The following FAM47E variants were observed in gnomAD, a reference collection of about 807,000 sequenced individuals.
FAM47E encodes family with sequence similarity 47 member E.
A neutral mutation model predicts 41.6 loss-of-function variants in FAM47E; 32 were observed. The observed-to-expected ratio is 0.77, with a 90% CI of 0.58 to 1.03. FAM47E has a LOEUF of 1.03. Ranked by LOEUF, FAM47E falls within the 50% of genes least tolerant of loss-of-function variation. The probability of loss-of-function intolerance (pLI) is 0.00; values close to 1 mark genes in which losing one functional copy is unlikely to be tolerated. For missense variants in FAM47E, 424 were observed against 485.4 expected (o/e 0.87, Z 1.19); for synonymous variants, 184 against 188.7 (o/e 0.98, Z 0.20).
At chr4:76,231,453 G>A (rs570816134) in intron 2 of FAM47E, among the ~76,000 whole-genome samples, 1 of 152,190 alleles carries the variant, frequency 6.6e-6, no homozygotes, top group African/African-American at 2.4e-5. Flanking sequence ...CAACTAGTGA[G>A]TTTAGAATTT....
chr4:76,220,554 G>C (rs1366295905), intron 2 of FAM47E, among the ~76,000 whole-genome samples: 2 of 152,204 alleles, frequency 1.3e-5, no homozygotes, highest in Non-Finnish European at 2.9e-5. Context: ...TCGAGTCCAG[G>C]AGTTCAAGGC....
In FAM47E at chr4:76,260,109, A is replaced by G. The variant is rs1734346133; in HGVS notation, c.420+3586A>G. ...ACATTCCATGTTCATGTAAAGGAAGAATCAATATTGTCAAAATGACCATAC... is the reference window on the plus strand; with the variant it reads ...ACATTCCATGTTCATGTAAAGGAAGGATCAATATTGTCAAAATGACCATAC... On this transcript the variant is annotated intron_variant, in intron 2 of 7. Coordinates refer to ENST00000424749, the MANE Select transcript of FAM47E (RefSeq NM_001136570.3). Among the ~76,000 whole-genome samples the G allele has an allele frequency of 3.9e-5, 6 of 152,360 alleles. No homozygotes were observed. The South Asian group carries it at 1.2e-3, about 32-fold the overall frequency.
At chr4:76,245,950 T>G (rs923365366) in intron 2 of FAM47E, among the ~76,000 whole-genome samples, 2 of 152,196 alleles carry the variant, frequency 1.3e-5, no homozygotes, top group Non-Finnish European at 2.9e-5. Flanking sequence ...TGCTCAATGC[T>G]ACTGACCAAG....
intron 2 of FAM47E, among the ~76,000 whole-genome samples, chr4:76,233,571 ATC>A (rs1560731463): frequency 1.2e-5 from 1 of 82,436 alleles, no homozygotes; most frequent in East Asian, 3.4e-4. Flanking sequence ...TTTTACAGAC[ATC>A]ACACACACAC....
intron 3 of FAM47E, among the ~76,000 whole-genome samples, chr4:76,267,186 A>T (rs72860117): frequency 0.15 from 23,229 of 152,208 alleles, 1,802 homozygotes; most frequent in African/African-American, 0.17. Flanking sequence ...TGCTTACTGA[A>T]TATTTGTTGA....
At chr4:76,240,511 C>T (rs765275417) in intron 2 of FAM47E, among the ~76,000 whole-genome samples, 97 of 152,158 alleles carry the variant, frequency 6.4e-4, no homozygotes, top group Non-Finnish European at 1.2e-3. Flanking sequence ...TCCTCAAGGA[C>T]TCCCCATAAA....
At chr4:76,242,909 C>G (rs908134551) in intron 2 of FAM47E, among the ~76,000 whole-genome samples, 1 of 152,122 alleles carries the variant, frequency 6.6e-6, no homozygotes, top group African/African-American at 2.4e-5. Flanking sequence ...TTGCATTATA[C>G]TTCTATTAGA....
At chr4:76,266,813 C>A (rs1330607123) in intron 3 of FAM47E, among the ~76,000 whole-genome samples, 2 of 152,230 alleles carry the variant, frequency 1.3e-5, no homozygotes, top group Admixed American at 1.3e-4. Context: ...TTTAATTACT[C>A]CGCTCCACGG....
At chr4:76,223,383 C>T (rs947568945) in intron 2 of FAM47E, among the ~76,000 whole-genome samples, 6 of 152,100 alleles carry the variant, frequency 3.9e-5, no homozygotes, top group African/African-American at 1.4e-4. Flanking sequence ...TTATTGGGTC[C>T]TACTTAGCCA....
chr4:76,249,519 C>T (rs542645388), upstream of FAM47E, among the ~76,000 whole-genome samples: 205 of 152,028 alleles, frequency 1.3e-3, no homozygotes, highest in African/African-American at 4.5e-3. Context: ...TTGGAGATTC[C>T]GGTAAAATGC....
intron 2 of FAM47E, among the ~76,000 whole-genome samples, chr4:76,231,339 C>T (rs1289665206): frequency 6.6e-6 from 1 of 152,244 alleles, no homozygotes; most frequent in Non-Finnish European, 1.5e-5. Flanking sequence ...CAGATTTTCA[C>T]ATTACCCATC....
At chr4:76,241,378 A>C (rs1180484311) in intron 2 of FAM47E, among the ~76,000 whole-genome samples, 2 of 152,184 alleles carry the variant, frequency 1.3e-5, no homozygotes, top group Non-Finnish European at 2.9e-5. Context: ...AAGGTGCAAC[A>C]ACAAAACAAT....
At chr4:76,282,837 C>T (rs565446188) in intron 7 of FAM47E, 1 of 152,164 alleles carries the variant, frequency 6.6e-6, no homozygotes, top group Non-Finnish European at 1.5e-5. Flanking sequence ...GGCTCTATCA[C>T]AGGGAATAAG....
At chr4:76,237,709 A>C (rs928258484) in intron 2 of FAM47E, among the ~76,000 whole-genome samples, 4 of 152,188 alleles carry the variant, frequency 2.6e-5, no homozygotes, top group African/African-American at 9.7e-5. Context: ...AGGCCTCAGG[A>C]AACTCACAGT....
intron 5 of FAM47E, among the ~76,000 whole-genome samples, chr4:76,276,041 C>CAG (rs1560752381): frequency 3.0e-4 from 14 of 47,298 alleles, no homozygotes; most frequent in African/African-American, 5.0e-4. Context: ...CAGACAGACA[C>CAG]ACACACACAC....
Position 76,278,176 on chromosome 4 carries a change from C to A in FAM47E, c.978C>A (p.Val326=), listed in dbSNP as rs750735302. 4.5e-6 allele frequency: 7 copies of A among 1,549,766 alleles called. No homozygotes were observed. Among genetic ancestry groups the A allele is most frequent in the Non-Finnish European group, 6.1e-6 (7 of 1,146,596 alleles). Residue 326 remains valine (V), a synonymous_variant, in exon 6 of 8, where the codon GTC becomes GTA. Coordinates refer to ENST00000424749, the MANE Select transcript of FAM47E (RefSeq NM_001136570.3). ...ACGAGCCTCTGGTTGACCCTGAGGT[C>A]TCACATAAGGCTCAAGAGGAGAATT... is the stretch of plus-strand genomic sequence containing the variant. The part of the protein sequence containing the change: ...RVDEPLVDPE[V]SHKAQEENFK...
chr4:76,269,787 C>CAA lies in FAM47E; in HGVS notation c.669+1031_669+1032dup, dbSNP rs5859506. Among the ~76,000 whole-genome samples, 331 of 146,728 alleles carry CAA rather than the reference C, an allele frequency of 2.3e-3. 3 individuals are homozygous for CAA. Among genetic ancestry groups the CAA allele is most frequent in the Admixed American group, 8.5e-3 (126 of 14,776 alleles). ...TGGGCAACAAAGCAAGATCCTGTCT[C>CAA]AAAAAAAAAAAAATCTGACATAAAG... On this transcript the variant is annotated intron_variant, in intron 4 of 7. Transcript: ENST00000424749.
intron 2 of FAM47E, among the ~76,000 whole-genome samples, chr4:76,229,503 G>A (rs760041424): frequency 5.9e-5 from 9 of 152,164 alleles, no homozygotes; most frequent in South Asian, 2.1e-4. Flanking sequence ...ACTCAAGGCC[G>A]CTGTTCAGAT....
rs1553957135 is a variant in FAM47E, at chr4:76,276,037, G to GACAGAC, written c.871-2029_871-2028insGACACA. ...GGACAGACAGACAGACAGACAGACA[G>GACAGAC]ACACACACACACACACACACACACA... On this transcript the variant is annotated intron_variant, in intron 5 of 7. Transcript: ENST00000424749. 1.8e-3 allele frequency among the ~76,000 whole-genome samples: 110 copies of GACAGAC among 62,386 alleles called. 1 individual carries two copies. Among genetic ancestry groups the GACAGAC allele is most frequent in the African/African-American group, 3.6e-3 (56 of 15,450 alleles). 40.9% of individuals were successfully genotyped at this position (62,386 alleles called of 152,430 possible).
Sources: gnomAD v4.1 joint callset for allele counts (sites outside exome capture counted in the v4.1 genomes callset) on GRCh38, gnomAD v4.1.1 for gene constraint, MANE v1.5 for transcripts, NCBI Gene and HGNC (gene_info 2026-07-23, HGNC 2026-07-21) for gene names.